B4GALNT3: variants seen among roughly 807,000 people sequenced by gnomAD.
The protein encoded by B4GALNT3 is beta-1,4-N-acetyl-galactosaminyltransferase 3.
Under a neutral mutation model 120.2 loss-of-function variants are expected in B4GALNT3, and 86 were observed. The ratio of observed to expected loss-of-function variants is 0.72; its 90% CI spans 0.60 to 0.86. B4GALNT3 has a LOEUF of 0.86. Among genes scored for constraint, B4GALNT3 ranks in the 40% least tolerant of loss-of-function variants. B4GALNT3 has a pLI of 0.00. For missense variants in B4GALNT3, 1,167 were observed against 1,298.9 expected (o/e 0.90, Z 1.56); for synonymous variants, 518 against 510.4 (o/e 1.01, Z -0.20).
Position 460,511 on chromosome 12 carries a change from G to T in B4GALNT3, c.135G>T (p.Ala45=), listed in dbSNP as rs771608042. The T allele has an allele frequency of 3.2e-6, 5 of 1,557,302 alleles. No homozygotes were observed. Among genetic ancestry groups the T allele is most frequent in the African/African-American group, 1.4e-5 (1 of 71,732 alleles). The change falls in exon 1 of 20, where the codon GCG becomes GCT. Residue 45 remains alanine (A), a synonymous_variant. Transcript: ENST00000266383. The surrounding 1 kb of genome is among the most constrained non-coding windows in gnomAD (Gnocchi z 8.0). ...GLWTLYLELV[A]SAQVGGNPLN... is the part of the protein sequence containing the mutation. Reference sequence around the variant, plus strand: ...GGACTCTGTATCTGGAACTGGTGGCGTCGGCCCAGGTCGGCGGGAACCCCC... The same window carrying T: ...GGACTCTGTATCTGGAACTGGTGGCTTCGGCCCAGGTCGGCGGGAACCCCC...
At chr12:513,051 C>T (rs1354798091) in intron 1 of B4GALNT3, among the ~76,000 whole-genome samples, 8 of 149,856 alleles carry the variant, frequency 5.3e-5, no homozygotes, top group African/African-American at 2.0e-4. Flanking sequence ...CCACCTTCCA[C>T]CTTCCACCTT....
chr12:553,561 G>T lies in B4GALNT3; in HGVS notation c.1638G>T (p.Gly546=), dbSNP rs140645438. ...TGAAGAACCTGCCTCAGATGAGGGG[G>T]CCCAGGCCCAGGCCCGCTGGTGACA... ...HPVKNLPQMR[G]PRPRPAGDSP... The change falls in exon 14 of 20, where the codon GGG becomes GGT. Residue 546 remains glycine (G), a synonymous_variant. Coordinates refer to ENST00000266383, the MANE Select transcript of B4GALNT3 (RefSeq NM_173593.4). 1,346 of 1,613,888 alleles carry T rather than the reference G, an allele frequency of 8.3e-4. 14 individuals carry two copies. In the South Asian group the frequency reaches 0.013, roughly 16 times the overall value.
chr12:469,185 G>A (rs550626581), intron 1 of B4GALNT3, among the ~76,000 whole-genome samples: 26 of 152,272 alleles, frequency 1.7e-4, no homozygotes, highest in African/African-American at 5.8e-4. Flanking sequence ...CAAGGTTCCA[G>A]TTCAAGCGCC....
chr12:524,247 A>T (rs547064890), intron 1 of B4GALNT3, among the ~76,000 whole-genome samples: 1 of 152,330 alleles, frequency 6.6e-6, no homozygotes. Flanking sequence ...ACTGTCATAC[A>T]TGCCTTCTCC....
chr12:543,597 CTGGAGCTGAGGAGCTGGGG>C (rs1946948528), intron 3 of B4GALNT3, among the ~76,000 whole-genome samples: 1 of 113,402 alleles, frequency 8.8e-6, no homozygotes. Flanking sequence ...GCTCATCCTC[CTGGAGCTGAGGAGCTGGGG>C]CGGGCATGGG....
In B4GALNT3 at chr12:553,477, C is replaced by T; in HGVS notation, c.1554C>T (p.Pro518=). The stretch of plus-strand genomic sequence containing the variant: ...AGCCAGAGAAGAGGAAGCAAAAACC[C>T]AGCCCTGAGCCCAGCCAAGATTCAC... ...VQQPEKRKQK[P]SPEPSQDSPH... The change falls in exon 14 of 20, where the codon CCC becomes CCT. Residue 518 remains proline, a synonymous_variant. Coordinates refer to ENST00000266383, the MANE Select transcript of B4GALNT3 (RefSeq NM_173593.4). 6.2e-7 allele frequency: 1 copy of T among 1,614,172 alleles called. No homozygotes were observed. Among genetic ancestry groups the T allele is most frequent in the East Asian group, 2.2e-5 (1 of 44,884 alleles).
chr12:496,967 C>G (rs1349822646), intron 1 of B4GALNT3, among the ~76,000 whole-genome samples: 1 of 151,968 alleles, frequency 6.6e-6, no homozygotes, highest in Non-Finnish European at 1.5e-5. Context: ...CCTCCAATTC[C>G]TGGGCTCAAG....
Position 549,779 on chromosome 12 carries a change from C to T in B4GALNT3, c.864C>T (p.Phe288=). The T allele has an allele frequency of 6.2e-7, 1 of 1,613,796 alleles. No individual in the cohort carries two copies. Among genetic ancestry groups the T allele is most frequent in the Non-Finnish European group, 8.5e-7 (1 of 1,180,030 alleles). ...LSLSLFTNET[F]LQMDEVGHIP... is the part of the protein sequence containing the mutation. ...CCTCCCTGCGCCCAGATGAGACGTT[C>T]CTACAGATGGATGAGGTGGGCCACA... The change falls in exon 10 of 20, where the codon TTC becomes TTT. Residue 288 remains phenylalanine, a synonymous_variant. Coordinates refer to ENST00000266383, the MANE Select transcript of B4GALNT3 (RefSeq NM_173593.4).
At position 487,251 on chromosome 12, in the gene B4GALNT3, A is replaced by G. The variant is rs145426944; in HGVS notation, c.169+26706A>G. Among the ~76,000 whole-genome samples the G allele has an allele frequency of 2.5e-3, 387 of 152,342 alleles. 3 individuals carry two copies. Among genetic ancestry groups the G allele is most frequent in the African/African-American group, 8.8e-3 (366 of 41,558 alleles). ...TATCAGAAGGAAAAGAGAGAAACAG[A>G]AGCAATATTTGAAACGATAGCAACT... is the stretch of plus-strand genomic sequence containing the variant. On this transcript the variant is annotated intron_variant, in intron 1 of 19. Transcript: ENST00000266383.
chr12:558,681 G>A lies in B4GALNT3; in HGVS notation c.2761+20G>A. The stretch of plus-strand genomic sequence containing the variant: ...CTGAGGGTGAGCCCTGCTCAGACTG[G>A]GGAGGGAGGAAAGACTTCTCTGATC... On this transcript the variant is annotated intron_variant, in intron 18 of 19. Coordinates refer to ENST00000266383, the MANE Select transcript of B4GALNT3 (RefSeq NM_173593.4). 1.9e-6 allele frequency: 3 copies of A among 1,611,458 alleles called. No individual in the cohort carries two copies. The highest frequency in any genetic ancestry group is 2.5e-6 in the Non-Finnish European group (3 of 1,178,338).
At chr12:536,653 A>C in intron 3 of B4GALNT3, among the ~76,000 whole-genome samples, 1 of 152,106 alleles carries the variant, frequency 6.6e-6, no homozygotes, top group East Asian at 1.9e-4. Flanking sequence ...TAGTTTAGTG[A>C]TTTCATGAAA....
At chr12:494,875 T>C (rs1245733115) in intron 1 of B4GALNT3, among the ~76,000 whole-genome samples, 1 of 152,120 alleles carries the variant, frequency 6.6e-6, no homozygotes, top group East Asian at 1.9e-4. Flanking sequence ...AATGAGAGCA[T>C]TGTCCGGATT....
chr12:508,527 C>T (rs1946518580), intron 1 of B4GALNT3, among the ~76,000 whole-genome samples: 2 of 152,204 alleles, frequency 1.3e-5, no homozygotes, highest in Admixed American at 1.3e-4. Flanking sequence ...AGCAATAAAA[C>T]AGCTTTTTAA....
At chr12:534,020 T>C (rs537234214) in intron 1 of B4GALNT3, among the ~76,000 whole-genome samples, 2 of 152,334 alleles carry the variant, frequency 1.3e-5, no homozygotes, top group East Asian at 3.9e-4. Context: ...CTGTCGACTC[T>C]TGGCTCCCAG....
At chr12:462,498 C>T (rs1320202815) in intron 1 of B4GALNT3, among the ~76,000 whole-genome samples, 1 of 151,222 alleles carries the variant, frequency 6.6e-6, no homozygotes, top group African/African-American at 2.4e-5. Flanking sequence ...TGTTGGGTTC[C>T]CCTCCCAGAA....
At chr12:484,298 G>T (rs1420751913) in intron 1 of B4GALNT3, among the ~76,000 whole-genome samples, 1 of 152,142 alleles carries the variant, frequency 6.6e-6, no homozygotes, top group Non-Finnish European at 1.5e-5. Context: ...AGATGTAAGA[G>T]ATACGAAGTA....
At chr12:480,862 C>T (rs1946236334) in intron 1 of B4GALNT3, among the ~76,000 whole-genome samples, 1 of 152,172 alleles carries the variant, frequency 6.6e-6, no homozygotes. Context: ...GCCCTGGTGA[C>T]CGTGGTCATC....
intron 1 of B4GALNT3, among the ~76,000 whole-genome samples, chr12:480,051 C>G (rs1410985588): frequency 6.6e-6 from 1 of 151,660 alleles, no homozygotes. Flanking sequence ...GTAGCTGGGA[C>G]TACAGGCGCT....
intron 1 of B4GALNT3, among the ~76,000 whole-genome samples, chr12:502,877 C>T (rs1946458425): frequency 6.6e-6 from 1 of 152,172 alleles, no homozygotes; most frequent in Admixed American, 6.5e-5. Flanking sequence ...CCTCAGCCTC[C>T]AGAGTAGCTG....
Sources: gnomAD v4.1 joint callset for allele counts (sites outside exome capture counted in the v4.1 genomes callset) on GRCh38, gnomAD v4.1.1 for gene constraint, Gnocchi (gnomAD v3.1) non-coding constraint, MANE v1.5 for transcripts, NCBI Gene and HGNC (gene_info 2026-07-23, HGNC 2026-07-21) for gene names.